SPATS1: variants seen among roughly 807,000 people sequenced by gnomAD.
SPATS1 encodes spermatogenesis-associated serine-rich protein 1.
A neutral mutation model predicts 33.6 loss-of-function variants in SPATS1; 23 were observed. The ratio of observed to expected loss-of-function variants is 0.68; its 90% CI spans 0.49 to 0.97. The LOEUF is 0.97. SPATS1 is among the 50% of genes least tolerant of loss of function. The probability of loss-of-function intolerance (pLI) is 0.00; values close to 1 mark genes in which losing one functional copy is unlikely to be tolerated. For missense variants in SPATS1, 327 were observed against 361.0 expected, an observed-to-expected ratio of 0.91 and a Z score of 0.76; for synonymous variants, 131 against 125.6, an observed-to-expected ratio of 1.04 and a Z score of -0.29.
rs1049089138 is a variant in SPATS1 at position 44,352,737 on chromosome 6, A to G, written c.151A>G (p.Ser51Gly). ...TCTCTGTGTTACAGGTGCTAATTGC[A>G]GTGATTTTCTGGAATCTAAGGGATG... ...EVERTYSANC[S>G]DFLESKGCFA... is the part of the protein sequence containing the mutation. Residue 51 changes from serine (S) to glycine (G), a missense_variant, in exon 3 of 9, where the codon AGT becomes GGT. Coordinates refer to ENST00000674044, the MANE Select transcript of SPATS1 (RefSeq NM_001372081.1). The G allele has an allele frequency of 6.2e-7, 1 of 1,614,144 alleles. No individual in the cohort carries two copies. The highest frequency in any genetic ancestry group is 8.5e-7 in the Non-Finnish European group (1 of 1,179,960).
intron 7 of SPATS1, among the ~76,000 whole-genome samples, chr6:44,373,791 G>A (rs149755571): frequency 1.8e-3 from 281 of 152,282 alleles, no homozygotes; most frequent in African/African-American, 6.1e-3. Context: ...TGTGCAGTAC[G>A]TTTACAGGGA....
intron 5 of SPATS1, among the ~76,000 whole-genome samples, chr6:44,366,745 AATTGGGATGAGG>A (rs1789275198): frequency 2.6e-5 from 4 of 152,216 alleles, no homozygotes; most frequent in Non-Finnish European, 4.4e-5. Context: ...ATTAAAAAAT[AATTGGGATGAGG>A]GGTATTAGTC....
At chr6:44,356,819 C>G (rs1488326640) in intron 3 of SPATS1, among the ~76,000 whole-genome samples, 1 of 152,198 alleles carries the variant, frequency 6.6e-6, no homozygotes, top group Non-Finnish European at 1.5e-5. Context: ...TTGCTGTTTT[C>G]TCTTTGTTGA....
At chr6:44,358,447 G>A (rs1788718055) in intron 3 of SPATS1, among the ~76,000 whole-genome samples, 1 of 151,942 alleles carries the variant, frequency 6.6e-6, no homozygotes, top group Admixed American at 6.6e-5. Context: ...TTTCAGCCTA[G>A]GTTTGTTTTT....
intron 5 of SPATS1, among the ~76,000 whole-genome samples, chr6:44,365,345 T>C (rs1279510534): frequency 1.3e-5 from 2 of 152,226 alleles, no homozygotes; most frequent in African/African-American, 2.4e-5. Context: ...CAATTTTCTA[T>C]TGTGTAGCTC....
At chr6:44,363,067 C>A (rs927346611) in intron 5 of SPATS1, among the ~76,000 whole-genome samples, 3 of 151,986 alleles carry the variant, frequency 2.0e-5, no homozygotes, top group Admixed American at 2.0e-4. Flanking sequence ...GAACTCCGGA[C>A]CTCAGGTGAT....
At chr6:44,360,320 C>G in intron 3 of SPATS1, 126 bp from the exon 4 acceptor site, 1 of 1,202,796 alleles carries the variant, frequency 8.3e-7, no homozygotes, top group South Asian at 1.5e-5. Flanking sequence ...ATGATATGCT[C>G]AAGGACTTTT....
chr6:44,370,995 T>C (rs9472268), intron 7 of SPATS1, among the ~76,000 whole-genome samples: 6,287 of 150,410 alleles, frequency 0.042, 408 homozygotes, highest in African/African-American at 0.14. Context: ...TTTTTTTTTT[T>C]CTTGAAGTAC....
At chr6:44,348,629 T>C (rs1788045029) in intron 2 of SPATS1, among the ~76,000 whole-genome samples, 1 of 152,306 alleles carries the variant, frequency 6.6e-6, no homozygotes, top group Non-Finnish European at 1.5e-5. Flanking sequence ...TAATAATTTT[T>C]GCTGTATGAG....
chr6:44,379,329 G>A lies in SPATS1; in HGVS notation c.*2266G>A, dbSNP rs1378653514. Among the ~76,000 whole-genome samples, 3 of 151,994 alleles carry A rather than the reference G, an allele frequency of 2.0e-5. No homozygotes were observed. Among genetic ancestry groups the A allele is most frequent in the African/African-American group, 7.3e-5 (3 of 41,370 alleles). ...CAACCGGCTGGGCGTGGTGGCTCAC[G>A]CCTGTAATCCCAGCACTTTGGGAGG... is the stretch of plus-strand genomic sequence containing the variant. On this transcript the variant is annotated 3_prime_UTR_variant, in exon 9 of 9. Coordinates refer to ENST00000674044, the MANE Select transcript of SPATS1 (RefSeq NM_001372081.1).
chr6:44,349,978 GA>G (rs1467345899), intron 2 of SPATS1, among the ~76,000 whole-genome samples: 2 of 152,090 alleles, frequency 1.3e-5, no homozygotes, highest in African/African-American at 4.8e-5. Flanking sequence ...GGTTACTGGG[GA>G]CCCGTCTCCT....
At chr6:44,365,386 G>C (rs1027391867) in intron 5 of SPATS1, among the ~76,000 whole-genome samples, 4 of 152,166 alleles carry the variant, frequency 2.6e-5, no homozygotes, top group African/African-American at 9.7e-5. Flanking sequence ...GTATTAGTCA[G>C]AATAGGATAG....
At chr6:44,369,456 A>C (rs1376123545) in intron 6 of SPATS1, among the ~76,000 whole-genome samples, 1 of 151,934 alleles carries the variant, frequency 6.6e-6, no homozygotes, top group Non-Finnish European at 1.5e-5. Flanking sequence ...AGGCTGAGGA[A>C]GGAGAATTAT....
intron 2 of SPATS1, among the ~76,000 whole-genome samples, chr6:44,345,249 T>C (rs917134649): frequency 2.3e-4 from 35 of 152,216 alleles, no homozygotes; most frequent in South Asian, 2.1e-4. Flanking sequence ...CTCAGGAAGA[T>C]GCCGTAGTCA....
chr6:44,376,923 G>A (rs1377951211), intron 8 of SPATS1, 112 bp from the exon 9 acceptor site: 3 of 1,186,434 alleles, frequency 2.5e-6, no homozygotes, highest in African/African-American at 1.5e-5. Flanking sequence ...TCTGTCCCGA[G>A]GTGGTCTCAT....
intron 6 of SPATS1, among the ~76,000 whole-genome samples, chr6:44,368,962 T>A (rs540579582): frequency 4.0e-5 from 6 of 150,700 alleles, no homozygotes; most frequent in African/African-American, 1.5e-4. Flanking sequence ...AGTGGTGCCA[T>A]CTCAGCTCAC....
intron 3 of SPATS1, 76 bp downstream of exon 3, chr6:44,352,949 A>G: frequency 2.7e-6 from 4 of 1,500,262 alleles, no homozygotes; most frequent in Non-Finnish European, 3.7e-6. Flanking sequence ...GAGAGGTAGC[A>G]TGGTATGCTT....
chr6:44,343,577 A>G (rs1787697096), intron 2 of SPATS1: 3 of 464,470 alleles, frequency 6.5e-6, no homozygotes, highest in Non-Finnish European at 8.5e-6. Flanking sequence ...CTGGGATTTG[A>G]CATGAGTCTG....
At chr6:44,343,342 T>A in intron 2 of SPATS1, 108 bp downstream of exon 2, 1 of 1,274,818 alleles carries the variant, frequency 7.8e-7, no homozygotes. Context: ...AGAAGGAAGC[T>A]AGTTTGGGGG....
Sources: allele counts gnomAD v4.1 joint callset (sites outside exome capture counted in the v4.1 genomes callset), GRCh38; gene constraint gnomAD v4.1.1; transcripts MANE v1.5; gene names NCBI Gene and HGNC (gene_info 2026-07-23, HGNC 2026-07-21).